The following ZFHX3 variants were observed in gnomAD, a reference collection of about 807,000 sequenced individuals.
The protein encoded by ZFHX3 is zinc finger homeobox 3, also known as zinc finger homeobox protein 3.
Under a neutral mutation model 279.1 loss-of-function variants are expected in ZFHX3, and 42 were observed. That is an observed-to-expected ratio of 0.15 (90% CI 0.12 to 0.19). ZFHX3 has a LOEUF of 0.19. Among genes scored for constraint, ZFHX3 ranks in the 10% least tolerant of loss-of-function variants. The probability of loss-of-function intolerance (pLI) is 1.00; values close to 1 mark genes in which losing one functional copy is unlikely to be tolerated. For missense variants in ZFHX3, 4,981 were observed against 4,754.0 expected (o/e 1.05, Z -1.40); for synonymous variants, 2,293 against 1,957.8 (o/e 1.17, Z -4.52).
intron 2 of ZFHX3, among the ~76,000 whole-genome samples, chr16:73,627,038 A>T (rs2052423678): frequency 6.6e-6 from 1 of 152,256 alleles, no homozygotes; most frequent in South Asian, 2.1e-4. Context: ...TGATATGGAA[A>T]CAAAAATAAT....
In ZFHX3 at chr16:72,798,458, C is replaced by A. The variant is rs1418246459; in HGVS notation, c.4224G>T (p.Leu1408=). 20 of 1,614,206 alleles carry A rather than the reference C, an allele frequency of 1.2e-5. No individual in the cohort carries two copies. The highest frequency in any genetic ancestry group is 1.7e-5 in the Non-Finnish European group (20 of 1,180,024). ...GCAACTTTTCAATGGTCTTGAAGGC[C>A]AGGCTACACTGATTACAGCGGTACT... The part of the protein sequence containing the change: ...VYKYRCNQCS[L]AFKTIEKLQL... The change falls in exon 9 of 10, where the codon CTG becomes CTT. Residue 1408 remains leucine (L), a synonymous_variant. Transcript: ENST00000268489.
At chr16:73,193,129 G>T (rs1333544053) in intron 5 of ZFHX3, among the ~76,000 whole-genome samples, 1 of 152,164 alleles carries the variant, frequency 6.6e-6, no homozygotes, top group East Asian at 1.9e-4. Context: ...TGCTTTTCGG[G>T]GTACCCTGTT....
At chr16:73,699,804 G>T (rs1221933016) in intron 1 of ZFHX3, among the ~76,000 whole-genome samples, 1 of 152,112 alleles carries the variant, frequency 6.6e-6, no homozygotes, top group East Asian at 1.9e-4. Flanking sequence ...CAACAATGTA[G>T]GGCCACCGTA....
At chr16:73,805,876 G>C (rs988254014) in intron 1 of ZFHX3, among the ~76,000 whole-genome samples, 2 of 152,188 alleles carry the variant, frequency 1.3e-5, no homozygotes, top group Non-Finnish European at 1.5e-5. Context: ...CTCTGAGAAG[G>C]TGACTTGCTC....
At chr16:73,728,605 C>T (rs1268456012) in intron 1 of ZFHX3, among the ~76,000 whole-genome samples, 3 of 152,076 alleles carry the variant, frequency 2.0e-5, no homozygotes, top group Non-Finnish European at 4.4e-5. Context: ...CCATGTTGTT[C>T]AATTCTTCAA....
At chr16:73,090,504 C>T (rs541247368) in intron 8 of ZFHX3, among the ~76,000 whole-genome samples, 4 of 152,152 alleles carry the variant, frequency 2.6e-5, no homozygotes, top group African/African-American at 7.2e-5. Context: ...ATGAGTGCCA[C>T]GTGCTTATCA....
intron 1 of ZFHX3, among the ~76,000 whole-genome samples, chr16:73,856,688 C>A (rs1364698983): frequency 2.6e-5 from 4 of 152,150 alleles, no homozygotes; most frequent in African/African-American, 9.7e-5. Flanking sequence ...GGTATTAGAA[C>A]TGATTTGCAG....
chr16:73,506,140 A>G (rs2019322447), intron 2 of ZFHX3, among the ~76,000 whole-genome samples: 1 of 152,240 alleles, frequency 6.6e-6, no homozygotes, highest in African/African-American at 2.4e-5. Context: ...TAAGGTCCAC[A>G]GCTGTTTCAC....
At chr16:73,886,791 G>A (rs1284290987) in intron 1 of ZFHX3, among the ~76,000 whole-genome samples, 1 of 152,168 alleles carries the variant, frequency 6.6e-6, no homozygotes, top group Non-Finnish European at 1.5e-5. Flanking sequence ...AGTGTATTAA[G>A]AAATAAACAT....
At chr16:73,889,638 C>T (rs1016075399) in intron 1 of ZFHX3, among the ~76,000 whole-genome samples, 2 of 152,216 alleles carry the variant, frequency 1.3e-5, no homozygotes, top group Non-Finnish European at 2.9e-5. Flanking sequence ...CAAGTGGATT[C>T]ATGCGCTGTT....
rs1397204828 is a variant in ZFHX3, at chr16:73,862,901, C to A, written c.-1608+28750G>T. Among the ~76,000 whole-genome samples the A allele has an allele frequency of 2.0e-5, 3 of 152,286 alleles. No homozygotes were observed. In the East Asian group the frequency reaches 5.8e-4, roughly 29 times the overall value. On this transcript the variant is annotated intron_variant, in intron 1 of 17. Transcript: ENST00000641206. Reference sequence around the variant, plus strand: ...ATCTCCAGAAGATTCGTGGTTCATACAACTGTAACAGATTAATTAGTAGAA... The same window carrying A: ...ATCTCCAGAAGATTCGTGGTTCATAAAACTGTAACAGATTAATTAGTAGAA...
At chr16:73,061,781 C>G (rs1405995047), upstream of ZFHX3, 5 of 151,670 alleles carry the variant, frequency 3.3e-5, no homozygotes, top group African/African-American at 7.3e-5. Flanking sequence ...CACTTAAATA[C>G]TATGTATTTA....
intron 3 of ZFHX3, among the ~76,000 whole-genome samples, chr16:72,918,778 C>T (rs1407577291): frequency 7.9e-5 from 12 of 151,396 alleles, no homozygotes; most frequent in Non-Finnish European, 1.5e-4. Context: ...TCACTGCAAG[C>T]TCTGCCTCCC....
intron 2 of ZFHX3, among the ~76,000 whole-genome samples, chr16:73,567,098 C>A (rs990437266): frequency 3.3e-5 from 5 of 152,218 alleles, no homozygotes; most frequent in East Asian, 1.9e-4. Context: ...ATCCTCCCAC[C>A]TCAGCCTCCC....
intron 1 of ZFHX3, among the ~76,000 whole-genome samples, chr16:73,761,627 A>G (rs2053867914): frequency 2.0e-5 from 3 of 152,224 alleles, no homozygotes; most frequent in African/African-American, 4.8e-5. Context: ...TACCAGTACA[A>G]AAACAGACAC....
At chr16:72,990,510 C>A (rs1963041832) in intron 1 of ZFHX3, among the ~76,000 whole-genome samples, 1 of 152,142 alleles carries the variant, frequency 6.6e-6, no homozygotes, top group Non-Finnish European at 1.5e-5. Context: ...ATGGGACAAA[C>A]AGACAGGAAC....
chr16:73,038,512 G>C (rs368228672), intron 1 of ZFHX3, among the ~76,000 whole-genome samples: 30 of 152,334 alleles, frequency 2.0e-4, no homozygotes, highest in African/African-American at 6.7e-4. Context: ...AACTGCACGC[G>C]GCTTCTGAGC....
chr16:72,943,782 C>G (rs1418121391), intron 3 of ZFHX3, among the ~76,000 whole-genome samples: 2 of 152,130 alleles, frequency 1.3e-5, no homozygotes, highest in Non-Finnish European at 2.9e-5. Flanking sequence ...TCCTGGGACC[C>G]AACAACCCCA....
chr16:73,025,317 T>G (rs1165603318), intron 1 of ZFHX3, among the ~76,000 whole-genome samples: 1 of 151,956 alleles, frequency 6.6e-6, no homozygotes, highest in African/African-American at 2.4e-5. Flanking sequence ...GACACCCAAG[T>G]TAAGAGAGGG....
Sources: gnomAD v4.1 joint callset for allele counts (sites outside exome capture counted in the v4.1 genomes callset) on GRCh38, gnomAD v4.1.1 for gene constraint, MANE v1.5 for transcripts, NCBI Gene and HGNC (gene_info 2026-07-23, HGNC 2026-07-21) for gene names.